The following RANBP9 variants were observed in gnomAD, a reference collection of about 807,000 sequenced individuals.
RANBP9 encodes the protein RAN binding protein 9.
A neutral mutation model predicts 84.3 loss-of-function variants in RANBP9; 15 were observed. The ratio of observed to expected loss-of-function variants is 0.18; its 90% CI spans 0.12 to 0.27. The LOEUF is 0.27. Ranked by LOEUF, RANBP9 falls within the 10% of genes least tolerant of loss-of-function variation. The pLI is 1.00. For missense variants in RANBP9, 809 were observed against 912.8 expected (o/e 0.89, Z 1.46); for synonymous variants, 392 against 349.6 (o/e 1.12, Z -1.35).
At chr6:13,686,193 CTCCTGGGCTCAAGCGATCT>C (rs1202989171) in intron 2 of RANBP9, among the ~76,000 whole-genome samples, 1 of 144,416 alleles carries the variant, frequency 6.9e-6, no homozygotes, top group Non-Finnish European at 1.5e-5. Flanking sequence ...CAGCCTTGAC[CTCCTGGGCTCAAGCGATCT>C]TCCTGGCTCA....
rs1409293745 is a variant in RANBP9, at chr6:13,644,422, A to AAT, written c.1112+121_1112+122dup. On this transcript the variant is annotated intron_variant, in intron 6 of 13. Transcript: ENST00000011619. ...TTTTCGTTGAGAGATTAAAATCAAT[A>AAT]ATATAATAGATATGTCAGTATATAA... The AAT allele has an allele frequency of 3.3e-6, 3 of 907,948 alleles. No individual in the cohort carries two copies. In the Admixed American group the frequency reaches 9.9e-5, roughly 30 times the overall value. The allele number at this position is 907,948 out of a possible 1,614,324, so 56.2% of individuals were successfully genotyped here.
At chr6:13,696,122 C>T (rs529809260) in intron 2 of RANBP9, among the ~76,000 whole-genome samples, 1 of 152,264 alleles carries the variant, frequency 6.6e-6, no homozygotes, top group South Asian at 2.1e-4. Flanking sequence ...CTCAAAATGC[C>T]TATCTTGCCC....
intron 1 of RANBP9, among the ~76,000 whole-genome samples, chr6:13,708,376 T>C (rs1260752755): frequency 6.6e-6 from 1 of 152,098 alleles, no homozygotes; most frequent in Non-Finnish European, 1.5e-5. Flanking sequence ...CAGTGAGCCA[T>C]GATCGCACCA....
rs561665768 is a variant in RANBP9, at chr6:13,685,994, C to T, written c.683+10791G>A. ...GTGTATATATAAAATCCGAAAGAAA[C>T]GAGCAGAAGTATTGATAGCAATTAA... is the stretch of plus-strand genomic sequence containing the variant. On this transcript the variant is annotated intron_variant, in intron 2 of 13. Transcript: ENST00000011619. Among the ~76,000 whole-genome samples, 17 of 149,822 alleles carry T rather than the reference C, an allele frequency of 1.1e-4. No homozygotes were observed. The East Asian group carries it at 2.8e-3, about 24-fold the overall frequency.
At chr6:13,666,600 C>CAAAAAAAAAAAAAAAAAAAAAAAAAAA (rs70989878) in intron 2 of RANBP9, among the ~76,000 whole-genome samples, 8 of 43,700 alleles carry the variant, frequency 1.8e-4, no homozygotes, top group Middle Eastern at 0.016. Flanking sequence ...CCCGTCTCTC[C>CAAAAAAAAAAAAAAAAAAAAAAAAAAA]AAAAAAAAAA....
chr6:13,696,333 A>C (rs10484252), intron 2 of RANBP9, among the ~76,000 whole-genome samples: 10,340 of 152,210 alleles, frequency 0.068, 559 homozygotes, highest in Admixed American at 0.14. Flanking sequence ...CCACATCCTA[A>C]ACCTTGAAAA....
chr6:13,672,187 T>C (rs1038184376), intron 2 of RANBP9, among the ~76,000 whole-genome samples: 1 of 152,088 alleles, frequency 6.6e-6, no homozygotes, highest in Non-Finnish European at 1.5e-5. Flanking sequence ...AAGGGAAAAG[T>C]AACCATTTTG....
intron 1 of RANBP9, among the ~76,000 whole-genome samples, chr6:13,710,582 C>T (rs1159303914): frequency 6.6e-6 from 1 of 152,168 alleles, no homozygotes; most frequent in Admixed American, 6.5e-5. Context: ...AACTCCGAGT[C>T]CATGGATTCC....
chr6:13,687,198 T>C (rs1369820109), intron 2 of RANBP9, among the ~76,000 whole-genome samples: 2 of 152,198 alleles, frequency 1.3e-5, no homozygotes, highest in South Asian at 2.1e-4. Flanking sequence ...CTTAACCTTC[T>C]GACCACTCCA....
rs1438412453 is a variant in RANBP9 at position 13,710,821 on chromosome 6, T to A, written c.571+114A>T. 5.8e-6 allele frequency: 7 copies of A among 1,208,540 alleles called. No homozygotes were observed. In the East Asian group the frequency reaches 2.0e-4, roughly 34 times the overall value. 74.9% of individuals were successfully genotyped at this position (1,208,540 alleles called of 1,614,324 possible). A position where few individuals can be genotyped will look rare whatever the true frequency, so the allele number is the denominator to read the frequency against. On this transcript the variant is annotated intron_variant, in intron 1 of 13. Transcript: ENST00000011619. ...GCAGCACAACAGGCGGCGAGTGGCCTCCGAGGGCAGAGCCCGCGAGGGCGG... is the reference window on the plus strand; with the variant it reads ...GCAGCACAACAGGCGGCGAGTGGCCACCGAGGGCAGAGCCCGCGAGGGCGG...
At chr6:13,646,470 G>A (rs1465555584) in intron 5 of RANBP9, among the ~76,000 whole-genome samples, 8 of 152,126 alleles carry the variant, frequency 5.3e-5, no homozygotes, top group African/African-American at 1.9e-4. Flanking sequence ...ACAGAGTTAT[G>A]AGATACTTTA....
chr6:13,677,619 T>C (rs564279484), intron 2 of RANBP9, among the ~76,000 whole-genome samples: 64 of 152,222 alleles, frequency 4.2e-4, no homozygotes, highest in Non-Finnish European at 8.1e-4. Flanking sequence ...TCTATTTATA[T>C]TAAGAAACTC....
At chr6:13,697,853 T>C (rs1377368077) in intron 1 of RANBP9, among the ~76,000 whole-genome samples, 1 of 152,216 alleles carries the variant, frequency 6.6e-6, no homozygotes, top group Non-Finnish European at 1.5e-5. Flanking sequence ...TATTGGGGTG[T>C]TCTAGTTAAA....
chr6:13,642,456 G>T, intron 7 of RANBP9, 23 bp downstream of exon 7: 1 of 1,313,220 alleles, frequency 7.6e-7, no homozygotes, highest in Non-Finnish European at 1.0e-6. Context: ...ACAAATGTTA[G>T]CCATGCACCA....
chr6:13,636,792 C>T (rs1764949833), intron 10 of RANBP9, among the ~76,000 whole-genome samples: 1 of 152,206 alleles, frequency 6.6e-6, no homozygotes, highest in African/African-American at 2.4e-5. Context: ...ACTATTACTT[C>T]AGTAAATTTT....
intron 2 of RANBP9, among the ~76,000 whole-genome samples, chr6:13,667,281 T>G (rs992128954): frequency 1.3e-5 from 2 of 152,204 alleles, no homozygotes; most frequent in African/African-American, 4.8e-5. Flanking sequence ...CCATCTGTTC[T>G]CTCCATCTTT....
chr6:13,652,640 C>CTT lies in RANBP9; in HGVS notation c.927+17_927+18dup, dbSNP rs1476014389. 1.0e-5 allele frequency: 16 copies of CTT among 1,564,492 alleles called. No homozygotes were observed. Among genetic ancestry groups the CTT allele is most frequent in the African/African-American group, 1.4e-5 (1 of 72,582 alleles). On this transcript the variant is annotated intron_variant, in intron 5 of 13. Transcript: ENST00000011619. Reference sequence around the variant, plus strand: ...TCCTGTAATTAAAAATGGAAAACTGCTTTTAAAAAAAGTCTTACCGGTAGG... The same window carrying CTT: ...TCCTGTAATTAAAAATGGAAAACTGCTTTTTTAAAAAAAGTCTTACCGGTAGG...
intron 1 of RANBP9, among the ~76,000 whole-genome samples, chr6:13,710,344 G>A (rs1758242443): frequency 6.6e-6 from 1 of 152,084 alleles, no homozygotes. Context: ...TGTTCCTGGG[G>A]TTCCCTTCTC....
intron 6 of RANBP9, among the ~76,000 whole-genome samples, chr6:13,643,415 G>C (rs1170763018): frequency 6.6e-6 from 1 of 152,184 alleles, no homozygotes; most frequent in Non-Finnish European, 1.5e-5. Flanking sequence ...CTAAGGGCCA[G>C]TTAGAAAATC....
Sources: allele counts gnomAD v4.1 joint callset (sites outside exome capture counted in the v4.1 genomes callset), GRCh38; gene constraint gnomAD v4.1.1; transcripts MANE v1.5; gene names NCBI Gene and HGNC (gene_info 2026-07-23, HGNC 2026-07-21).